The following EYA1 variants were observed in gnomAD, a reference collection of about 807,000 sequenced individuals.
The protein encoded by EYA1 is protein phosphatase EYA1.
In EYA1, 16 loss-of-function variants were observed where a neutral mutation model predicts 82.0. That is an observed-to-expected ratio of 0.20 (90% CI 0.13 to 0.30). The LOEUF (loss-of-function observed/expected upper bound fraction) is 0.30. EYA1 is among the 10% of genes least tolerant of loss of function. The pLI, the probability that EYA1 is intolerant of heterozygous loss-of-function variation, is 1.00. For synonymous variants in EYA1, 261 were observed against 264.4 expected (o/e 0.99, Z 0.12); for missense variants, 633 against 730.7 (o/e 0.87, Z 1.54).
chr8:71,321,327 T>A (rs1247664545), intron 6 of EYA1, among the ~76,000 whole-genome samples: 1 of 152,210 alleles, frequency 6.6e-6, no homozygotes, highest in Non-Finnish European at 1.5e-5. Context: ...GTTTGTTGAA[T>A]TCTACTTGTA....
intron 2 of EYA1, among the ~76,000 whole-genome samples, chr8:71,371,030 C>A (rs1828051432): frequency 6.6e-6 from 1 of 152,138 alleles, no homozygotes; most frequent in South Asian, 2.1e-4. Context: ...GTAAGGAAAG[C>A]TGAAAAGCAA....
chr8:71,368,096 A>G (rs187228838), intron 2 of EYA1, among the ~76,000 whole-genome samples: 7 of 152,312 alleles, frequency 4.6e-5, no homozygotes, highest in African/African-American at 1.7e-4. Context: ...TTCTGTTTTA[A>G]TAGTATCAAT....
At chr8:71,392,572 T>G (rs370143968) in intron 2 of EYA1, among the ~76,000 whole-genome samples, 2 of 152,210 alleles carry the variant, frequency 1.3e-5, no homozygotes, top group Non-Finnish European at 2.9e-5. Context: ...GTAGTGAGCT[T>G]ACTCCATCTT....
At chr8:71,440,510 G>C (rs1806344354) in intron 2 of EYA1, among the ~76,000 whole-genome samples, 1 of 152,170 alleles carries the variant, frequency 6.6e-6, no homozygotes, top group South Asian at 2.1e-4. Context: ...AAAGCTCTAA[G>C]ACTTGGGCAG....
chr8:71,391,010 G>A (rs556412067), intron 2 of EYA1, among the ~76,000 whole-genome samples: 126 of 152,018 alleles, frequency 8.3e-4, no homozygotes, highest in Non-Finnish European at 1.3e-3. Context: ...GTCTCGCTCT[G>A]TCATCCAGGC....
chr8:71,267,426 C>G (rs1815971970), intron 11 of EYA1, among the ~76,000 whole-genome samples: 1 of 152,190 alleles, frequency 6.6e-6, no homozygotes. Context: ...AGAAACCTGG[C>G]TTTCTGAAGT....
chr8:71,426,323 C>T (rs1257933932), intron 2 of EYA1, among the ~76,000 whole-genome samples: 1 of 152,182 alleles, frequency 6.6e-6, no homozygotes, highest in African/African-American at 2.4e-5. Flanking sequence ...AAGAGCCAAA[C>T]AAGGAAAGGG....
At chr8:71,333,886 T>A (rs1824176093) in intron 4 of EYA1, among the ~76,000 whole-genome samples, 1 of 152,156 alleles carries the variant, frequency 6.6e-6, no homozygotes, top group Non-Finnish European at 1.5e-5. Context: ...GATAGCAACA[T>A]TTCAGCAACC....
chr8:71,538,615 T>G (rs1348707470), intron 1 of EYA1, among the ~76,000 whole-genome samples: 1 of 152,182 alleles, frequency 6.6e-6, no homozygotes, highest in Admixed American at 6.5e-5. Context: ...AGAGAGCAAC[T>G]AGTCACAAAA....
At chr8:71,213,750 C>T in intron 16 of EYA1, among the ~76,000 whole-genome samples, 1 of 152,188 alleles carries the variant, frequency 6.6e-6, no homozygotes, top group Non-Finnish European at 1.5e-5. Context: ...TCTTCCAATG[C>T]AACACTGATA....
At position 71,488,527 on chromosome 8, in the gene EYA1, G is replaced by A. The variant is rs370424430; in HGVS notation, c.33+47217C>T. ...ATTTATATATGCATCCCACTTAGAAGCACAGCCGATCAGTCGTGCCAGAAG... is the reference window on the plus strand; with the variant it reads ...ATTTATATATGCATCCCACTTAGAAACACAGCCGATCAGTCGTGCCAGAAG... On this transcript the variant is annotated intron_variant, in intron 2 of 18. Transcript: ENST00000643681. Among the ~76,000 whole-genome samples the A allele has an allele frequency of 2.6e-5, 4 of 152,276 alleles. No individual in the cohort carries two copies. The East Asian group carries it at 5.8e-4, about 22-fold the overall frequency.
chr8:71,217,617 G>A (rs924335863), intron 12 of EYA1, among the ~76,000 whole-genome samples: 4 of 150,560 alleles, frequency 2.7e-5, no homozygotes, highest in African/African-American at 4.9e-5. Flanking sequence ...ACATGTGCAC[G>A]GTAAAAACCA....
intron 2 of EYA1, among the ~76,000 whole-genome samples, chr8:71,432,737 G>A (rs562576398): frequency 6.6e-6 from 1 of 152,110 alleles, no homozygotes; most frequent in Non-Finnish European, 1.5e-5. Context: ...ACTGGGGAGG[G>A]GAGGACTTCA....
At chr8:71,478,011 T>C (rs1175652514) in intron 2 of EYA1, among the ~76,000 whole-genome samples, 1 of 152,144 alleles carries the variant, frequency 6.6e-6, no homozygotes, top group East Asian at 1.9e-4. Context: ...AGATGAGTGG[T>C]TGCCAGGAGC....
At chr8:71,452,838 C>T (rs535048428) in intron 2 of EYA1, among the ~76,000 whole-genome samples, 106 of 152,260 alleles carry the variant, frequency 7.0e-4, no homozygotes, top group African/African-American at 2.5e-3. Context: ...AGCAGAAAAG[C>T]TGAAAATTCT....
intron 7 of EYA1, among the ~76,000 whole-genome samples, chr8:71,305,882 A>ACG (rs1023181786): frequency 2.0e-5 from 3 of 152,160 alleles, no homozygotes; most frequent in Admixed American, 2.0e-4. Flanking sequence ...TCACACGCAT[A>ACG]CGCACACACA....
At chr8:71,417,703 T>C in intron 2 of EYA1, among the ~76,000 whole-genome samples, 1 of 152,158 alleles carries the variant, frequency 6.6e-6, no homozygotes, top group East Asian at 1.9e-4. Context: ...GACAGCCCTC[T>C]ATAACAAAGA....
rs537413356 is a variant in EYA1 at position 71,447,073 on chromosome 8, T to C, written c.33+88671A>G. The stretch of plus-strand genomic sequence containing the variant: ...CTGTCATGCTCTGAAATCTCATTAT[T>C]GATAATCTTTATATATATATATATA... On this transcript the variant is annotated intron_variant, in intron 2 of 18. Coordinates refer to the EYA1 transcript ENST00000643681. 4.9e-3 allele frequency among the ~76,000 whole-genome samples: 645 copies of C among 130,352 alleles called. 6 individuals are homozygous for C. The highest frequency in any genetic ancestry group is 0.019 in the African/African-American group (623 of 32,512). The allele number at this position is 130,352 out of a possible 152,430, so 85.5% of individuals were successfully genotyped here.
At chr8:71,277,866 T>C (rs1187630436) in intron 9 of EYA1, among the ~76,000 whole-genome samples, 4 of 152,204 alleles carry the variant, frequency 2.6e-5, no homozygotes, top group Admixed American at 1.3e-4. Context: ...AAATGAGAAA[T>C]AGCTATCATT....
Sources: gnomAD v4.1 joint callset for allele counts (sites outside exome capture counted in the v4.1 genomes callset) on GRCh38, gnomAD v4.1.1 for gene constraint, MANE v1.5 for transcripts, NCBI Gene and HGNC (gene_info 2026-07-23, HGNC 2026-07-21) for gene names.